NEDD4: variants seen among roughly 807,000 people sequenced by gnomAD.
The protein encoded by NEDD4 is E3 ubiquitin-protein ligase NEDD4.
Under a neutral mutation model 144.9 loss-of-function variants are expected in NEDD4, and 99 were observed. The ratio of observed to expected loss-of-function variants is 0.68; its 90% CI spans 0.58 to 0.81. NEDD4 has a LOEUF of 0.81. NEDD4 is among the 30% of genes least tolerant of loss of function. The pLI is 0.00. For synonymous variants in NEDD4, 318 were observed against 350.6 expected, an observed-to-expected ratio of 0.91 and a Z score of 1.04; for missense variants, 985 against 1,065.9, an observed-to-expected ratio of 0.92 and a Z score of 1.06.
chr15:55,890,381 G>C (rs1357381801), intron 5 of NEDD4, among the ~76,000 whole-genome samples: 6 of 151,670 alleles, frequency 4.0e-5, no homozygotes, highest in Admixed American at 6.6e-5. Context: ...TTCAGTCCTA[G>C]GCAACCACCA....
At chr15:55,947,823 T>C (rs1258958992) in intron 4 of NEDD4, among the ~76,000 whole-genome samples, 5 of 152,198 alleles carry the variant, frequency 3.3e-5, no homozygotes, top group African/African-American at 4.8e-5. Context: ...GAGCTATTTA[T>C]GACAAACACA....
At chr15:55,975,291 T>C (rs1036797335) in intron 1 of NEDD4, among the ~76,000 whole-genome samples, 1 of 152,102 alleles carries the variant, frequency 6.6e-6, no homozygotes, top group Non-Finnish European at 1.5e-5. Context: ...AAGGAAGACA[T>C]CAAATTTTTC....
chr15:55,930,557 C>T (rs2036759736), intron 4 of NEDD4, among the ~76,000 whole-genome samples: 1 of 152,180 alleles, frequency 6.6e-6, no homozygotes, highest in African/African-American at 2.4e-5. Flanking sequence ...AAATTATTCA[C>T]ACAATTTCCA....
chr15:55,916,273 T>C (rs2036439630), intron 5 of NEDD4: 6 of 1,614,068 alleles, frequency 3.7e-6, no homozygotes, highest in Non-Finnish European at 5.1e-6. Flanking sequence ...CTACTGTCAC[T>C]GATGACACTG....
intron 5 of NEDD4, among the ~76,000 whole-genome samples, chr15:55,881,800 A>T (rs1308526430): frequency 8.5e-5 from 13 of 152,186 alleles, no homozygotes; most frequent in African/African-American, 3.1e-4. Flanking sequence ...ACAGGCACAG[A>T]ACAGGGTTTC....
chr15:55,845,798 CT>C (rs11449030), intron 18 of NEDD4, among the ~76,000 whole-genome samples: 37 of 143,132 alleles, frequency 2.6e-4, no homozygotes, highest in Admixed American at 2.8e-4. Flanking sequence ...TTTCTTTTTT[CT>C]TTTTTTTTTT....
intron 24 of NEDD4, among the ~76,000 whole-genome samples, chr15:55,835,142 G>A (rs894319917): frequency 1.3e-5 from 2 of 152,162 alleles, no homozygotes; most frequent in Admixed American, 1.3e-4. Flanking sequence ...TCTTGACAGT[G>A]TTATGCACTT....
intron 1 of NEDD4, among the ~76,000 whole-genome samples, chr15:55,986,748 C>T (rs1250159254): frequency 2.6e-5 from 3 of 116,538 alleles, no homozygotes; most frequent in African/African-American, 1.2e-4. Context: ...CACCACCACA[C>T]CCGGCTAATT....
rs948522295 is a variant in NEDD4, at chr15:55,848,454, G to C, written c.1484-24C>G. 6 of 1,613,468 alleles carry C rather than the reference G, an allele frequency of 3.7e-6. No homozygotes were observed. In the African/African-American group the frequency reaches 8.0e-5, roughly 22 times the overall value. On this transcript the variant is annotated intron_variant, in intron 16 of 28. Transcript: ENST00000435532. ...ATCTGAAGGGAAGAAAAAGAAAAAA[G>C]ATGTACTTTCTCACACATAAAATTT...
chr15:55,843,832 G>C (rs1371182510), intron 18 of NEDD4, among the ~76,000 whole-genome samples: 2 of 152,060 alleles, frequency 1.3e-5, no homozygotes, highest in Non-Finnish European at 2.9e-5. Context: ...ATTTATCAAA[G>C]GCCTACTCTG....
intron 2 of NEDD4, among the ~76,000 whole-genome samples, chr15:55,964,692 GGTGTGTGTGTGTGTGTGT>G (rs58177503): frequency 2.2e-5 from 3 of 137,114 alleles, no homozygotes; most frequent in Admixed American, 7.5e-5. Flanking sequence ...TTTTGCTGCT[GGTGTGTGTGTGTGTGTGT>G]GTGTGTGTGT....
intron 13 of NEDD4, among the ~76,000 whole-genome samples, chr15:55,852,139 T>C (rs2034006392): frequency 6.6e-6 from 1 of 151,666 alleles, no homozygotes; most frequent in African/African-American, 2.4e-5. Flanking sequence ...CTACTAAAAA[T>C]ACAAAAATTA....
intron 1 of NEDD4, among the ~76,000 whole-genome samples, chr15:55,977,669 A>T (rs1234434419): frequency 6.6e-6 from 1 of 152,198 alleles, no homozygotes; most frequent in African/African-American, 2.4e-5. Flanking sequence ...TGGAATTGAA[A>T]ACCAGAGAGG....
chr15:55,854,223 G>C (rs149592369), intron 12 of NEDD4, among the ~76,000 whole-genome samples: 13 of 152,154 alleles, frequency 8.5e-5, no homozygotes, highest in East Asian at 3.9e-4. Flanking sequence ...CCCTGGTTTG[G>C]TGTGGCTCCC....
intron 24 of NEDD4, among the ~76,000 whole-genome samples, chr15:55,835,264 C>T (rs1170644185): frequency 1.3e-5 from 2 of 152,148 alleles, no homozygotes; most frequent in Non-Finnish European, 2.9e-5. Flanking sequence ...GGCTTTGCAG[C>T]TATATCTAAT....
chr15:55,955,141 C>G (rs1371085114), intron 2 of NEDD4, among the ~76,000 whole-genome samples: 1 of 152,166 alleles, frequency 6.6e-6, no homozygotes, highest in African/African-American at 2.4e-5. Context: ...CCCACCTCAG[C>G]CTCCCAAGTA....
chr15:55,966,102 G>T (rs1254329895), intron 2 of NEDD4, among the ~76,000 whole-genome samples: 2 of 152,136 alleles, frequency 1.3e-5, no homozygotes, highest in African/African-American at 4.8e-5. Context: ...TTCCAAACAT[G>T]AACTCCCCAC....
chr15:55,988,348 T>C (rs1333892372), intron 1 of NEDD4, among the ~76,000 whole-genome samples: 2 of 115,150 alleles, frequency 1.7e-5, no homozygotes, highest in African/African-American at 6.8e-5. Context: ...GGGGGAGGGA[T>C]AGCATTGGGA....
chr15:55,956,340 T>G (rs1482168346), intron 2 of NEDD4, among the ~76,000 whole-genome samples: 17 of 152,220 alleles, frequency 1.1e-4, no homozygotes, highest in African/African-American at 4.1e-4. Context: ...ATTTTTCTTT[T>G]ATGGCTCATC....
Sources: allele counts gnomAD v4.1 joint callset (sites outside exome capture counted in the v4.1 genomes callset), GRCh38; gene constraint gnomAD v4.1.1; transcripts MANE v1.5; gene names NCBI Gene and HGNC (gene_info 2026-07-23, HGNC 2026-07-21).